Variants in SHISA9 observed in about 807,000 individuals in gnomAD.
The protein encoded by SHISA9 is shisa family member 9.
In SHISA9, 13 loss-of-function variants were observed where a neutral mutation model predicts 38.0. The ratio of observed to expected loss-of-function variants is 0.34; its 90% confidence interval spans 0.22 to 0.54. SHISA9 has a LOEUF of 0.54. Among genes scored for constraint, SHISA9 ranks in the 20% least tolerant of loss-of-function variants. The pLI is 0.91. For synonymous variants in SHISA9, 275 were observed against 242.0 expected, an observed-to-expected ratio of 1.14 and a Z score of -1.27; for missense variants, 538 against 575.8, an observed-to-expected ratio of 0.93 and a Z score of 0.67.
intron 2 of SHISA9, among the ~76,000 whole-genome samples, chr16:13,065,260 C>G (rs1039345523): frequency 2.0e-5 from 3 of 152,238 alleles, no homozygotes; most frequent in Admixed American, 6.5e-5. Context: ...ACTGATTTTT[C>G]TCTCTCCCTC....
At chr16:13,373,625 G>C in the SHISA9 span, among the ~76,000 whole-genome samples, 1 of 152,152 alleles carries the variant, frequency 6.6e-6, no homozygotes, top group Admixed American at 6.5e-5. Flanking sequence ...AGCCGGGCAT[G>C]GTAGCGGGCG....
the SHISA9 span, among the ~76,000 whole-genome samples, chr16:13,457,944 G>GCTTC: frequency 5.4e-5 from 8 of 148,838 alleles, no homozygotes; most frequent in African/African-American, 2.0e-4. Flanking sequence ...TTCCTTCCTT[G>GCTTC]CTTCCTTCCT....
intron 2 of SHISA9, among the ~76,000 whole-genome samples, chr16:13,105,017 T>C (rs2073912908): frequency 6.6e-6 from 1 of 152,284 alleles, no homozygotes; most frequent in South Asian, 2.1e-4. Context: ...TACTACTTCA[T>C]AGGGTTGTTG....
At chr16:13,451,481 A>G in the SHISA9 span, among the ~76,000 whole-genome samples, 4 of 152,208 alleles carry the variant, frequency 2.6e-5, no homozygotes, top group Non-Finnish European at 2.9e-5. Context: ...TTCACCAGGA[A>G]AGATCCAAGA....
At chr16:13,120,525 A>G (rs777919912) in intron 2 of SHISA9, among the ~76,000 whole-genome samples, 4 of 152,312 alleles carry the variant, frequency 2.6e-5, no homozygotes, top group Non-Finnish European at 5.9e-5. Context: ...TTTCACATAA[A>G]TATTTATGTC....
chr16:13,044,238 C>G (rs543935881), intron 2 of SHISA9, among the ~76,000 whole-genome samples: 1 of 152,222 alleles, frequency 6.6e-6, no homozygotes, highest in South Asian at 2.1e-4. Context: ...CAGGTTGGTG[C>G]AAAAATAATT....
chr16:12,939,040 T>A (rs2071573099), intron 2 of SHISA9, among the ~76,000 whole-genome samples: 1 of 151,754 alleles, frequency 6.6e-6, no homozygotes, highest in Non-Finnish European at 1.5e-5. Context: ...GGAAGTAGTT[T>A]CATCTCTTCT....
Position 13,235,425 on chromosome 16 carries a change from A to G in SHISA9, c.*16A>G. ...GACTGTCTGAGCTTTCACCACAGGG[A>G]GCACCCTGGAGACCACACTCAACTG... On this transcript the variant is annotated 3_prime_UTR_variant, in exon 5 of 5. Coordinates refer to ENST00000558583, the MANE Select transcript of SHISA9 (RefSeq NM_001145204.3). 1.3e-6 allele frequency: 2 copies of G among 1,525,616 alleles called. No individual in the cohort carries two copies. The highest frequency in any genetic ancestry group is 1.2e-5 in the South Asian group (1 of 82,154). The allele number at this position is 1,525,616 out of a possible 1,614,324, so 94.5% of individuals were successfully genotyped here.
intron 2 of SHISA9, among the ~76,000 whole-genome samples, chr16:13,004,943 G>GAAAAAAAAAAAAAAAAAAAAAAA (rs59694628): frequency 1.9e-5 from 2 of 103,756 alleles, no homozygotes; most frequent in South Asian, 3.3e-4. Flanking sequence ...TTAAGAAAAA[G>GAAAAAAAAAAAAAAAAAAAAAAA]AAAAAAAAAA....
chr16:13,523,012 T>A, the SHISA9 span, among the ~76,000 whole-genome samples: 2 of 151,738 alleles, frequency 1.3e-5, no homozygotes, highest in South Asian at 4.2e-4. Context: ...GTATCAAGGG[T>A]TCTTGTTGAG....
At chr16:12,951,085 G>A (rs1467968582) in intron 2 of SHISA9, among the ~76,000 whole-genome samples, 1 of 150,812 alleles carries the variant, frequency 6.6e-6, no homozygotes, top group Non-Finnish European at 1.5e-5. Flanking sequence ...GCCAGGCGTG[G>A]TGGCAGGCAC....
intron 2 of SHISA9, among the ~76,000 whole-genome samples, chr16:13,127,346 G>T (rs1272647865): frequency 1.5e-5 from 2 of 136,228 alleles, no homozygotes; most frequent in Non-Finnish European, 3.2e-5. Context: ...AGAGAGTGAG[G>T]GAGGGAGAAG....
At chr16:13,308,960 C>G in the SHISA9 span, among the ~76,000 whole-genome samples, 1 of 152,158 alleles carries the variant, frequency 6.6e-6, no homozygotes, top group African/African-American at 2.4e-5. Context: ...TATGAAGAAA[C>G]AACTACATTA....
At chr16:13,530,296 G>A in the SHISA9 span, among the ~76,000 whole-genome samples, 29 of 152,082 alleles carry the variant, frequency 1.9e-4, no homozygotes, top group Admixed American at 1.1e-3. Flanking sequence ...GTGAGACTCC[G>A]TCTCAAAAAA....
In SHISA9 at chr16:12,992,760, C is replaced by T. The variant is rs74012224; in HGVS notation, c.691+75945C>T. ...TGTGTCACTCTGTCATTTTTGCTTT[C>T]GGAAAATGACAAGCGGTGTCTTGCA... On this transcript the variant is annotated intron_variant, in intron 2 of 4. Transcript: ENST00000558583. Among the ~76,000 whole-genome samples the T allele has an allele frequency of 7.9e-4, 120 of 152,198 alleles. 1 individual carries two copies. Among genetic ancestry groups the T allele is most frequent in the African/African-American group, 2.7e-3 (113 of 41,558 alleles).
At chr16:13,053,801 A>T (rs1225507681) in intron 2 of SHISA9, among the ~76,000 whole-genome samples, 1 of 152,166 alleles carries the variant, frequency 6.6e-6, no homozygotes, top group African/African-American at 2.4e-5. Context: ...GAATTCTTCT[A>T]GCAGTGAAAA....
chr16:13,002,533 C>A (rs1430590880), intron 2 of SHISA9, among the ~76,000 whole-genome samples: 1 of 125,656 alleles, frequency 8.0e-6, no homozygotes, highest in Non-Finnish European at 1.7e-5. Flanking sequence ...TGGTTCCTGT[C>A]TTTTTTTTTT....
the SHISA9 span, among the ~76,000 whole-genome samples, chr16:13,403,709 G>A: frequency 6.6e-6 from 1 of 152,222 alleles, no homozygotes; most frequent in Non-Finnish European, 1.5e-5. Context: ...AGTAGGTTGT[G>A]TAAGGATCTG....
At position 12,970,469 on chromosome 16, in the gene SHISA9, GTATATATA is replaced by G. The variant is rs781120776; in HGVS notation, c.691+53676_691+53683del. Among the ~76,000 whole-genome samples the G allele has an allele frequency of 3.0e-3, 72 of 24,044 alleles. 1 individual carries two copies. Among genetic ancestry groups the G allele is most frequent in the East Asian group, 6.9e-3 (6 of 864 alleles). 15.8% of individuals were successfully genotyped at this position (24,044 alleles called of 152,430 possible). On this transcript the variant is annotated intron_variant, in intron 2 of 4. Transcript: ENST00000558583. ...CATATATATATACATATATGTGTGT[GTATATATA>G]TATATATATATATATATATATTTTT... is the stretch of plus-strand genomic sequence containing the variant.
Sources: allele counts gnomAD v4.1 joint callset (sites outside exome capture counted in the v4.1 genomes callset), GRCh38; gene constraint gnomAD v4.1.1; transcripts MANE v1.5; gene names NCBI Gene and HGNC (gene_info 2026-07-23, HGNC 2026-07-21).